Variants in SLC4A4 observed in about 807,000 individuals in gnomAD.
SLC4A4 encodes solute carrier family 4 member 4.
Under a neutral mutation model 111.5 loss-of-function variants are expected in SLC4A4, and 27 were observed. The observed-to-expected ratio is 0.24, with a 90% CI of 0.18 to 0.33. The LOEUF (loss-of-function observed/expected upper bound fraction) is 0.33, where lower values mean the gene tolerates loss of function less well. SLC4A4 is among the 10% of genes least tolerant of loss of function. SLC4A4 has a pLI of 1.00. For missense variants in SLC4A4, 909 were observed against 1,315.5 expected (o/e 0.69, Z 4.78); for synonymous variants, 443 against 463.4 (o/e 0.96, Z 0.57).
At chr4:71,338,908 T>G (rs1380490278) in intron 3 of SLC4A4, 1 of 363,412 alleles carries the variant, frequency 2.8e-6, no homozygotes, top group African/African-American at 3.8e-5. Flanking sequence ...CTTTAGGCAT[T>G]GGACAGAGGG....
chr4:71,456,135 A>G (rs934289155), intron 12 of SLC4A4, among the ~76,000 whole-genome samples: 2 of 152,164 alleles, frequency 1.3e-5, no homozygotes, highest in Non-Finnish European at 2.9e-5. Context: ...ATGTAATTTG[A>G]TTATTTTATT....
intron 14 of SLC4A4, among the ~76,000 whole-genome samples, chr4:71,476,805 G>A (rs1168243294): frequency 6.6e-6 from 1 of 151,656 alleles, no homozygotes; most frequent in Admixed American, 6.6e-5. Context: ...GTGCTAGTAG[G>A]AAAATCAGTC....
intron 2 of SLC4A4, among the ~76,000 whole-genome samples, chr4:71,116,576 A>G (rs1399068936): frequency 9.9e-5 from 15 of 152,198 alleles, no homozygotes; most frequent in Admixed American, 9.8e-4. Context: ...AAGGTAGACA[A>G]TAGCTGGTTT....
At chr4:71,350,177 T>A in intron 5 of SLC4A4, 105 bp downstream of exon 5, 4 of 1,125,258 alleles carry the variant, frequency 3.6e-6, no homozygotes, top group Non-Finnish European at 5.3e-6. Context: ...AAATGTTTTA[T>A]AACATTTATT....
At chr4:71,077,039 TA>T (rs963672325) in intron 1 of SLC4A4, among the ~76,000 whole-genome samples, 6 of 148,732 alleles carry the variant, frequency 4.0e-5, no homozygotes, top group Admixed American at 1.3e-4. Flanking sequence ...TACATATATG[TA>T]AAAATACATA....
chr4:71,241,688 T>C (rs1720237072), intron 2 of SLC4A4, among the ~76,000 whole-genome samples: 1 of 152,198 alleles, frequency 6.6e-6, no homozygotes, highest in Non-Finnish European at 1.5e-5. Flanking sequence ...CTGTTCACTC[T>C]AATTGCTCAG....
intron 2 of SLC4A4, among the ~76,000 whole-genome samples, chr4:71,111,671 G>T (rs1212806978): frequency 6.9e-6 from 1 of 144,638 alleles, no homozygotes; most frequent in Non-Finnish European, 1.5e-5. Flanking sequence ...ACAGGCTTGA[G>T]CCACTGTGCC....
intron 7 of SLC4A4, among the ~76,000 whole-genome samples, chr4:71,416,433 T>G (rs4413375): frequency 1 from 151,550 of 152,296 alleles, 75,408 homozygotes; most frequent in Middle Eastern, 1. Context: ...GTGAATGTGC[T>G]CCTACTCTTG....
intron 3 of SLC4A4, among the ~76,000 whole-genome samples, chr4:71,274,357 T>C (rs1441279776): frequency 6.6e-6 from 1 of 152,148 alleles, no homozygotes; most frequent in African/African-American, 2.4e-5. Context: ...TGCATGTAAG[T>C]GGACCCATGC....
At chr4:71,246,081 C>T (rs1720638364) in intron 2 of SLC4A4, among the ~76,000 whole-genome samples, 1 of 152,178 alleles carries the variant, frequency 6.6e-6, no homozygotes, top group Non-Finnish European at 1.5e-5. Flanking sequence ...CAAGAGAAAA[C>T]TATCATTATG....
At chr4:71,094,885 T>C (rs1389936445) in intron 2 of SLC4A4, among the ~76,000 whole-genome samples, 1 of 152,212 alleles carries the variant, frequency 6.6e-6, no homozygotes, top group African/African-American at 2.4e-5. Flanking sequence ...CTGTTGATTT[T>C]TGTTATATAT....
At chr4:71,143,936 A>C (rs947742264) in intron 2 of SLC4A4, among the ~76,000 whole-genome samples, 1 of 152,010 alleles carries the variant, frequency 6.6e-6, no homozygotes, top group African/African-American at 2.4e-5. Flanking sequence ...GCTGTGCAGA[A>C]GCTCTTGAGT....
At chr4:71,333,418 G>A (rs1275935442) in intron 3 of SLC4A4, among the ~76,000 whole-genome samples, 1 of 152,320 alleles carries the variant, frequency 6.6e-6, no homozygotes, top group Non-Finnish European at 1.5e-5. Context: ...GCTACCTGGA[G>A]TTGGGGGAGG....
chr4:71,445,174 G>A (rs1725111171), intron 8 of SLC4A4, among the ~76,000 whole-genome samples: 1 of 152,160 alleles, frequency 6.6e-6, no homozygotes, highest in East Asian at 1.9e-4. Context: ...GTTCTATTTA[G>A]CAGAGAACAA....
chr4:71,514,281 T>C (rs1382717723), intron 16 of SLC4A4, among the ~76,000 whole-genome samples: 1 of 152,054 alleles, frequency 6.6e-6, no homozygotes, highest in African/African-American at 2.4e-5. Context: ...TGATAGTGAG[T>C]TCTCACAAGA....
At chr4:71,339,026 T>C (rs1324237353) in intron 3 of SLC4A4, 1 of 1,432,604 alleles carries the variant, frequency 7.0e-7, no homozygotes, top group African/African-American at 1.4e-5. Context: ...TTTTGTCTTA[T>C]AATTTTGGAT....
intron 3 of SLC4A4, among the ~76,000 whole-genome samples, chr4:71,321,150 C>A (rs1353529770): frequency 6.6e-6 from 1 of 151,974 alleles, no homozygotes; most frequent in Admixed American, 6.6e-5. Flanking sequence ...AGCCCACATA[C>A]CCACTCTAAT....
At chr4:71,215,993 C>G (rs1718408855) in intron 1 of SLC4A4, among the ~76,000 whole-genome samples, 1 of 151,502 alleles carries the variant, frequency 6.6e-6, no homozygotes, top group Non-Finnish European at 1.5e-5. Flanking sequence ...CATCTTCCGC[C>G]CCCACCCCGG....
chr4:71,309,400 C>T (rs6826116), intron 3 of SLC4A4, among the ~76,000 whole-genome samples: 4 of 152,156 alleles, frequency 2.6e-5, no homozygotes, highest in African/African-American at 4.8e-5. Flanking sequence ...TGCCTCCTCA[C>T]GTGGGTCCCT....
Sources: allele counts gnomAD v4.1 joint callset (sites outside exome capture counted in the v4.1 genomes callset), GRCh38; gene constraint gnomAD v4.1.1; transcripts MANE v1.5; gene names NCBI Gene and HGNC (gene_info 2026-07-23, HGNC 2026-07-21).